Variants in MPP4 observed in about 807,000 individuals in gnomAD.
MPP4 encodes the protein MAGUK p55 scaffold protein 4, also known as MAGUK p55 subfamily member 4.
In MPP4, 91 loss-of-function variants were observed where a neutral mutation model predicts 98.3. The ratio of observed to expected loss-of-function variants is 0.93; its 90% CI spans 0.78 to 1.10. The LOEUF is 1.10. Ranked by LOEUF, MPP4 falls within the 50% of genes least tolerant of loss-of-function variation. The pLI, the probability that MPP4 is intolerant of heterozygous loss-of-function variation, is 0.00. For synonymous variants in MPP4, 261 were observed against 271.8 expected (o/e 0.96, Z 0.39); for missense variants, 744 against 792.9 (o/e 0.94, Z 0.74).
Position 201,692,955 on chromosome 2 carries a change from GACAC to G in MPP4, c.150_153del (p.Cys51SerfsTer15), listed in dbSNP as rs1312984351. 1 of 1,612,676 alleles carries G rather than the reference GACAC, an allele frequency of 6.2e-7. No homozygotes were observed. Among genetic ancestry groups the G allele is most frequent in the South Asian group, 1.1e-5 (1 of 90,684 alleles). On this transcript the variant is annotated frameshift_variant, in exon 3 of 22. Transcript: ENST00000409474. LOFTEE classifies it high-confidence loss of function. ...GGCGAGTGGAGGAGATCGTACAAGA[GACAC>G]ACTCCATTCACATCTCTGCCGTAGA... is the stretch of plus-strand genomic sequence containing the variant.
At chr2:201,653,993 T>C (rs1220012937) in intron 18 of MPP4, among the ~76,000 whole-genome samples, 1 of 152,042 alleles carries the variant, frequency 6.6e-6, no homozygotes, top group Admixed American at 6.6e-5. Context: ...TTTTTTTTTT[T>C]CGAGTCAGAA....
chr2:201,684,419 G>A (rs1003727648), intron 7 of MPP4, among the ~76,000 whole-genome samples: 1 of 152,104 alleles, frequency 6.6e-6, no homozygotes, highest in Admixed American at 6.6e-5. Context: ...GTAACTCTGA[G>A]CAAGTTAGTT....
chr2:201,682,854 G>T lies in MPP4; in HGVS notation c.637C>A (p.Pro213Thr). ...VNGVSVEGLDPEQVIHILAMS... is the reference protein window; with the variant it reads ...VNGVSVEGLDTEQVIHILAMS... ...ACCAGAATATGGATCACTTGTTCAG[G>T]GTCCAGTCCCTCAACTGAAACTCCA... Residue 213 changes from proline to threonine, a missense_variant, in exon 8 of 22, where the codon CCT becomes ACT. Pro to Thr is a conservative substitution (Grantham distance 38). Transcript: ENST00000409474. 6.2e-7 allele frequency: 1 copy of T among 1,613,810 alleles called. No homozygotes were observed.
chr2:201,664,145 G>A, intron 13 of MPP4, 44 bp from the exon 14 acceptor site: 1 of 1,521,718 alleles, frequency 6.6e-7, no homozygotes, highest in Non-Finnish European at 8.9e-7. Flanking sequence ...GTTATTACAT[G>A]ACCATCTACA....
intron 11 of MPP4, among the ~76,000 whole-genome samples, chr2:201,674,783 T>C (rs1301782596): frequency 1.3e-5 from 2 of 152,104 alleles, no homozygotes; most frequent in Non-Finnish European, 2.9e-5. Flanking sequence ...ATATGCAATT[T>C]CCCCAATAAT....
intron 11 of MPP4, 53 bp from the exon 12 acceptor site, chr2:201,669,803 G>A: frequency 3.1e-6 from 4 of 1,271,590 alleles, no homozygotes; most frequent in Middle Eastern, 4.0e-4. Context: ...CACAGTATCT[G>A]TACTATATTT....
chr2:201,657,984 C>T (rs1482523277), intron 16 of MPP4, among the ~76,000 whole-genome samples: 1 of 140,340 alleles, frequency 7.1e-6, no homozygotes. Context: ...TTTTTTTTCA[C>T]GCTCCCCTGA....
chr2:201,655,010 C>G, intron 17 of MPP4, 93 bp from the exon 18 acceptor site: 1 of 757,934 alleles, frequency 1.3e-6, no homozygotes, highest in South Asian at 2.2e-5. Flanking sequence ...ACTGAAGAAA[C>G]TTGAGAGCAA....
Position 201,687,309 on chromosome 2 carries a change from G to T in MPP4, c.342C>A (p.Leu114=). The change falls in exon 5 of 22, where the codon CTC becomes CTA. Residue 114 remains leucine, a synonymous_variant. Transcript: ENST00000409474. Reference sequence around the variant, plus strand: ...CACTTGCCTTGAAGTGTGGAGCCTGGAGCATTTGTCTCAGCTCTTGGATCT... The same window carrying T: ...CACTTGCCTTGAAGTGTGGAGCCTGTAGCATTTGTCTCAGCTCTTGGATCT... ...SPEIQELRQM[L]QAPHFKALLS... is the part of the protein sequence containing the mutation. 1 of 1,579,486 alleles carries T rather than the reference G, an allele frequency of 6.3e-7. No individual in the cohort carries two copies. The highest frequency in any genetic ancestry group is 2.3e-5 in the East Asian group (1 of 43,672).
rs375702817 is a variant in MPP4 at position 201,656,308 on chromosome 2, G to A, written c.1190C>T (p.Ala397Val). ...GCAGCTGCCGGTGCAGCACACACTG[G>A]CATGCAGCGGGCTGAGGTGAGACTT... ...RRKSHLSPLH[A>V]SVCCTGSCYS... Residue 397 changes from alanine (A) to valine (V), a missense_variant, in exon 17 of 22, where the codon GCC becomes GTC. Transcript: ENST00000409474. The A allele has an allele frequency of 1.3e-6, 2 of 1,567,134 alleles. No individual in the cohort carries two copies. The highest frequency in any genetic ancestry group is 1.4e-5 in the African/African-American group (1 of 73,902).
intron 10 of MPP4, among the ~76,000 whole-genome samples, chr2:201,676,738 A>G (rs1325445363): frequency 6.6e-6 from 1 of 152,124 alleles, no homozygotes; most frequent in African/African-American, 2.4e-5. Flanking sequence ...CATCTCTACT[A>G]AAAATACAAA....
chr2:201,646,774 C>T (rs927900573), intron 21 of MPP4: 2 of 152,166 alleles, frequency 1.3e-5, no homozygotes, highest in Non-Finnish European at 2.9e-5. Flanking sequence ...TAGCATGGCC[C>T]TTGTACAAGC....
rs577533704 is a variant in MPP4, at chr2:201,656,245, C to T, written c.1253G>A (p.Arg418Lys). Reference sequence around the variant, plus strand: ...CTTGTCTGAAGGGCGTCGCTGGTACCTCACCACCTCCTCGTAAGGGGCACC... The same window carrying T: ...CTTGTCTGAAGGGCGTCGCTGGTACTTCACCACCTCCTCGTAAGGGGCACC... ...AVGAPYEEVV[R>K]YQRRPSDKYR... is the part of the protein sequence containing the mutation. The change falls in exon 17 of 22, where the codon AGG becomes AAG. Residue 418 changes from arginine to lysine, a missense_variant. Transcript: ENST00000409474. 1 of 1,603,906 alleles carries T rather than the reference C, an allele frequency of 6.2e-7. No individual in the cohort carries two copies. The highest frequency in any genetic ancestry group is 2.2e-5 in the East Asian group (1 of 44,558).
chr2:201,693,906 T>A lies in MPP4; in HGVS notation c.49A>T (p.Lys17Ter). 1 of 1,613,972 alleles carries A rather than the reference T, an allele frequency of 6.2e-7. No individual in the cohort carries two copies. Residue 17 changes from lysine to a stop codon, truncating the protein, a stop_gained, in exon 2 of 22, where the codon AAG becomes TAG. Coordinates refer to ENST00000409474, the MANE Select transcript of MPP4 (RefSeq NM_033066.3). LOFTEE classifies it high-confidence loss of function. ...GADPPDKKDM[K>*]LSTATNPQNG... ...TGTGGATTGGTGGCTGTAGAAAGCT[T>A]CATGTCCTTCTTGTCTGGTGGATCT...
At chr2:201,683,560 C>A (rs1286611227) in intron 7 of MPP4, among the ~76,000 whole-genome samples, 1 of 151,970 alleles carries the variant, frequency 6.6e-6, no homozygotes, top group African/African-American at 2.4e-5. Flanking sequence ...ACCAGCCTTG[C>A]CAACTTGATG....
chr2:201,657,599 TTGTTTTTTTG>T lies in MPP4; in HGVS notation c.1129+868_1129+877del, dbSNP rs1346075215. On this transcript the variant is annotated intron_variant, in intron 16 of 21. Transcript: ENST00000409474. ...GAGAACCCTGGCCCTTGTTTTTTTTTTGTTTTTTTGTTTTTTTTTGCTTATTGTATCAATC... is the reference window on the plus strand; with the variant it reads ...GAGAACCCTGGCCCTTGTTTTTTTTTTTTTTTTTTGCTTATTGTATCAATC... Among the ~76,000 whole-genome samples the T allele has an allele frequency of 3.2e-4, 38 of 117,048 alleles. 5 individuals carry two copies. The highest frequency in any genetic ancestry group is 7.3e-4 in the African/African-American group (19 of 25,882). 76.8% of individuals were successfully genotyped at this position (117,048 alleles called of 152,430 possible). A position where few individuals can be genotyped will look rare whatever the true frequency, so the allele number is the denominator to read the frequency against.
intron 4 of MPP4, among the ~76,000 whole-genome samples, chr2:201,689,708 G>C (rs138203069): frequency 6.6e-6 from 1 of 152,278 alleles, no homozygotes; most frequent in East Asian, 1.9e-4. Flanking sequence ...CAAGAACACA[G>C]GTATCGTTTC....
intron 4 of MPP4, among the ~76,000 whole-genome samples, chr2:201,688,282 T>C (rs1296565968): frequency 6.6e-6 from 1 of 152,170 alleles, no homozygotes; most frequent in African/African-American, 2.4e-5. Flanking sequence ...AAAACAGCAG[T>C]GGCTGACAAA....
chr2:201,668,543 C>T (rs1387640216), intron 12 of MPP4, among the ~76,000 whole-genome samples: 1 of 152,008 alleles, frequency 6.6e-6, no homozygotes, highest in Non-Finnish European at 1.5e-5. Flanking sequence ...ACAGAGGCAA[C>T]ACCACATAAG....
Sources: gnomAD v4.1 joint callset for allele counts (sites outside exome capture counted in the v4.1 genomes callset) on GRCh38, gnomAD v4.1.1 for gene constraint, MANE v1.5 for transcripts, NCBI Gene and HGNC (gene_info 2026-07-23, HGNC 2026-07-21) for gene names.